KCNT2: variants seen among roughly 807,000 people sequenced by gnomAD.
The protein encoded by KCNT2 is potassium channel subfamily T member 2.
Under a neutral mutation model 153.8 loss-of-function variants are expected in KCNT2, and 67 were observed. The ratio of observed to expected loss-of-function variants is 0.44; its 90% CI spans 0.36 to 0.53. The LOEUF is 0.53. Ranked by LOEUF, KCNT2 falls within the 20% of genes least tolerant of loss-of-function variation. KCNT2 has a pLI of 0.00. For missense variants in KCNT2, 975 were observed against 1,354.8 expected (o/e 0.72, Z 4.40); for synonymous variants, 500 against 458.8 (o/e 1.09, Z -1.15).
At chr1:196,601,654 C>G (rs943587444) in intron 1 of KCNT2, among the ~76,000 whole-genome samples, 3 of 152,126 alleles carry the variant, frequency 2.0e-5, no homozygotes, top group Non-Finnish European at 4.4e-5. Context: ...TATTTTAAAC[C>G]ACTTATTATG....
chr1:196,353,467 G>A (rs1405747255), intron 14 of KCNT2, among the ~76,000 whole-genome samples: 1 of 151,850 alleles, frequency 6.6e-6, no homozygotes, highest in Admixed American at 6.6e-5. Flanking sequence ...GCAACATGAA[G>A]GTTCCTCTCA....
In KCNT2 at chr1:196,594,206, G is replaced by A. The variant is rs369361644; in HGVS notation, c.95+14009C>T. 1.9e-4 allele frequency among the ~76,000 whole-genome samples: 29 copies of A among 152,218 alleles called. No homozygotes were observed. The South Asian group carries it at 5.8e-3, about 30-fold the overall frequency. On this transcript the variant is annotated intron_variant, in intron 1 of 27. Transcript: ENST00000294725. ...ATTCACTTTAACAGTCATTTGAACT[G>A]TCACAGTATGAATTATGGACTGAAG... is the stretch of plus-strand genomic sequence containing the variant.
chr1:196,580,466 G>C (rs1432792364), intron 1 of KCNT2, among the ~76,000 whole-genome samples: 1 of 152,044 alleles, frequency 6.6e-6, no homozygotes, highest in Admixed American at 6.6e-5. Context: ...CCTGAGAAAG[G>C]CTTTATAGTT....
intron 13 of KCNT2, among the ~76,000 whole-genome samples, chr1:196,387,709 C>T (rs1292011403): frequency 6.6e-6 from 1 of 151,682 alleles, no homozygotes; most frequent in Non-Finnish European, 1.5e-5. Context: ...TTGGTATATC[C>T]TTGTGTGTGT....
At chr1:196,491,374 A>G (rs1444219743) in intron 2 of KCNT2, among the ~76,000 whole-genome samples, 2 of 152,004 alleles carry the variant, frequency 1.3e-5, no homozygotes, top group East Asian at 3.9e-4. Flanking sequence ...CCATATCATC[A>G]GTATTTGGAC....
intron 8 of KCNT2, among the ~76,000 whole-genome samples, chr1:196,462,615 A>C (rs1300166221): frequency 6.6e-6 from 1 of 151,706 alleles, no homozygotes; most frequent in Non-Finnish European, 1.5e-5. Flanking sequence ...AAAAACTAAA[A>C]CTTTTGAGGT....
In KCNT2 at chr1:196,357,760, G is replaced by A. The variant is rs565226877; in HGVS notation, c.1403+15380C>T. On this transcript the variant is annotated intron_variant, in intron 14 of 27. Coordinates refer to ENST00000294725, the MANE Select transcript of KCNT2 (RefSeq NM_198503.5). ...GGTTAGTTGCTTGGTGTGGTAGTGG[G>A]AATTTTTTATGCAAGTTTAACATAG... Among the ~76,000 whole-genome samples the A allele has an allele frequency of 1.1e-3, 171 of 151,876 alleles. 1 individual carries two copies. Among genetic ancestry groups the A allele is most frequent in the South Asian group, 8.7e-3 (42 of 4,812 alleles).
At chr1:196,406,566 T>A (rs1160926428) in intron 12 of KCNT2, among the ~76,000 whole-genome samples, 2 of 149,436 alleles carry the variant, frequency 1.3e-5, no homozygotes, top group African/African-American at 4.9e-5. Flanking sequence ...AGTGGCCTAG[T>A]CTTCATGAAC....
chr1:196,571,644 C>A (rs1660788427), intron 1 of KCNT2, among the ~76,000 whole-genome samples: 1 of 152,016 alleles, frequency 6.6e-6, no homozygotes, highest in African/African-American at 2.4e-5. Flanking sequence ...ATCAATCATG[C>A]CCTAATGCAT....
chr1:196,387,815 A>G (rs768950579), intron 13 of KCNT2, among the ~76,000 whole-genome samples: 1 of 151,878 alleles, frequency 6.6e-6, no homozygotes, highest in Non-Finnish European at 1.5e-5. Context: ...TTTGGATTCA[A>G]ACTTTAATCA....
chr1:196,538,757 C>T lies in KCNT2; in HGVS notation c.96-46416G>A, dbSNP rs143064375. 2.6e-5 allele frequency among the ~76,000 whole-genome samples: 4 copies of T among 152,284 alleles called. No individual in the cohort carries two copies. The East Asian group carries it at 7.7e-4, about 29-fold the overall frequency. On this transcript the variant is annotated intron_variant, in intron 1 of 27. Transcript: ENST00000294725. ...GACTAAAGCATAGCCACCTCCCTTA[C>T]ACAGGTCATACTGAAATTCTGTTTT...
chr1:196,302,923 A>G (rs920632155), intron 22 of KCNT2, among the ~76,000 whole-genome samples: 1 of 151,856 alleles, frequency 6.6e-6, no homozygotes, highest in African/African-American at 2.4e-5. Context: ...CAGCCTTCCT[A>G]TCCCTGAATA....
intron 25 of KCNT2, among the ~76,000 whole-genome samples, chr1:196,280,296 A>G (rs1196338596): frequency 6.6e-6 from 1 of 152,210 alleles, no homozygotes; most frequent in East Asian, 1.9e-4. Flanking sequence ...CTCCTTCCAT[A>G]CTAACAAGAT....
At chr1:196,545,472 T>C (rs1410835530) in intron 1 of KCNT2, among the ~76,000 whole-genome samples, 1 of 150,782 alleles carries the variant, frequency 6.6e-6, no homozygotes, top group East Asian at 2.0e-4. Flanking sequence ...GCTGGAGAGG[T>C]TGCTAAGCAA....
chr1:196,473,307 C>G (rs185969681), intron 5 of KCNT2, among the ~76,000 whole-genome samples: 7 of 152,236 alleles, frequency 4.6e-5, no homozygotes, highest in Admixed American at 4.6e-4. Flanking sequence ...ATTTCTTTCA[C>G]ATTTTTTTCC....
intron 1 of KCNT2, among the ~76,000 whole-genome samples, chr1:196,508,769 C>A (rs1200131190): frequency 1.3e-5 from 2 of 152,084 alleles, no homozygotes; most frequent in Non-Finnish European, 2.9e-5. Context: ...TTGGAAAAAT[C>A]AAAAGGTTTA....
At chr1:196,314,095 C>A (rs1255938505) in intron 21 of KCNT2, among the ~76,000 whole-genome samples, 1 of 151,392 alleles carries the variant, frequency 6.6e-6, no homozygotes, top group Non-Finnish European at 1.5e-5. Flanking sequence ...CTAATTACAG[C>A]CTTTGAACCT....
chr1:196,429,309 T>A (rs779985595), intron 9 of KCNT2, among the ~76,000 whole-genome samples: 25 of 151,792 alleles, frequency 1.6e-4, no homozygotes, highest in Non-Finnish European at 3.1e-4. Context: ...TATAATTAAG[T>A]ACCCTATACT....
chr1:196,312,182 C>A (rs1052925781), intron 21 of KCNT2, among the ~76,000 whole-genome samples: 1 of 151,418 alleles, frequency 6.6e-6, no homozygotes, highest in Non-Finnish European at 1.5e-5. Flanking sequence ...AGGATCTAAC[C>A]CGAGGAAGAT....
Sources: allele counts gnomAD v4.1 joint callset (sites outside exome capture counted in the v4.1 genomes callset), GRCh38; gene constraint gnomAD v4.1.1; transcripts MANE v1.5; gene names NCBI Gene and HGNC (gene_info 2026-07-23, HGNC 2026-07-21).